The following CA6 variants were observed in gnomAD, a reference collection of about 807,000 sequenced individuals.
CA6 encodes carbonate dehydratase VI.
Under a neutral mutation model 35.9 loss-of-function variants are expected in CA6, and 28 were observed. That is an observed-to-expected ratio of 0.78 (90% CI 0.58 to 1.07). The LOEUF is 1.07. Ranked by LOEUF, CA6 falls within the 50% of genes least tolerant of loss-of-function variation. The pLI, the probability that CA6 is intolerant of heterozygous loss-of-function variation, is 0.00. For missense variants in CA6, 377 were observed against 382.0 expected, an observed-to-expected ratio of 0.99 and a Z score of 0.11; for synonymous variants, 148 against 152.6, an observed-to-expected ratio of 0.97 and a Z score of 0.22.
intron 2 of CA6, chr1:8,951,503 C>T (rs778209939): frequency 2.6e-6 from 2 of 765,186 alleles, no homozygotes; most frequent in Admixed American, 1.7e-5. Flanking sequence ...AAGGCAGTGG[C>T]TTTGTTCACC....
Position 8,949,263 on chromosome 1 carries a change from A to C in CA6, c.80A>C (p.Glu27Ala). ...TTGAACTGTGTCTTTCCTGTCTTAG[A>C]AGGGGCACTGGACGAAGCGCACTGG... ...AQHVSDWTYS[E>A]GALDEAHWPQ... is the part of the protein sequence containing the mutation. The change falls in exon 2 of 8, where the codon GAA becomes GCA. Residue 27 changes from glutamate to alanine, a missense_variant and splice_region_variant. Transcript: ENST00000377443. 6.3e-7 allele frequency: 1 copy of C among 1,593,796 alleles called. No homozygotes were observed. The highest frequency in any genetic ancestry group is 1.1e-5 in the South Asian group (1 of 88,690).
At chr1:8,960,789 C>CACACACACACACACAT (rs59987426) in intron 4 of CA6, among the ~76,000 whole-genome samples, 6 of 116,876 alleles carry the variant, frequency 5.1e-5, no homozygotes, top group African/African-American at 1.3e-4. Context: ...CACACACACA[C>CACACACACACACACAT]ATATATATAA....
chr1:8,951,588 G>A (rs572842220), intron 2 of CA6: 27 of 765,172 alleles, frequency 3.5e-5, no homozygotes, highest in South Asian at 8.0e-5. Flanking sequence ...TGCGGGCTTC[G>A]TGCTGAGGGC....
intron 1 of CA6, among the ~76,000 whole-genome samples, chr1:8,946,838 C>T (rs1428717522): frequency 7.9e-6 from 1 of 127,002 alleles, no homozygotes; most frequent in African/African-American, 3.1e-5. Context: ...GAGTCTTGCT[C>T]TGTTGCCCAG....
intron 5 of CA6, among the ~76,000 whole-genome samples, chr1:8,964,072 A>G (rs1639908272): frequency 6.6e-6 from 1 of 152,112 alleles, no homozygotes; most frequent in African/African-American, 2.4e-5. Flanking sequence ...TCCTTAACCC[A>G]CGTGCATCTG....
chr1:8,951,524 A>C (rs1639533743), intron 2 of CA6: 1 of 765,206 alleles, frequency 1.3e-6, no homozygotes, highest in Non-Finnish European at 2.4e-6. Context: ...CTCCCTGGAC[A>C]GCTGGTGGGA....
chr1:8,949,058 A>G (rs1222040434), intron 1 of CA6, among the ~76,000 whole-genome samples: 1 of 151,890 alleles, frequency 6.6e-6, no homozygotes, highest in Non-Finnish European at 1.5e-5. Flanking sequence ...AGAGGTTAGC[A>G]CCAAAGCCCC....
chr1:8,968,842 C>G (rs71641068), intron 6 of CA6, among the ~76,000 whole-genome samples: 149 of 150,628 alleles, frequency 9.9e-4, no homozygotes, highest in Non-Finnish European at 1.8e-3. Context: ...ATGGTGGAAC[C>G]CCGTCTCTAC....
intron 4 of CA6, among the ~76,000 whole-genome samples, chr1:8,960,787 C>CATATATATAT (rs1491277382): frequency 6.3e-5 from 6 of 95,036 alleles, no homozygotes; most frequent in Non-Finnish European, 1.0e-4. Flanking sequence ...CACACACACA[C>CATATATATAT]ACATATATAT....
At chr1:8,948,749 C>T (rs2124223925) in intron 1 of CA6, among the ~76,000 whole-genome samples, 1 of 152,228 alleles carries the variant, frequency 6.6e-6, no homozygotes, top group Admixed American at 6.5e-5. Context: ...GTGGGTGGAT[C>T]ACCTGAGGTC....
intron 3 of CA6, among the ~76,000 whole-genome samples, chr1:8,958,703 T>C (rs1639755065): frequency 6.6e-6 from 1 of 152,230 alleles, no homozygotes; most frequent in Admixed American, 6.5e-5. Flanking sequence ...AATCCCACTC[T>C]TGCTCTTTCC....
intron 6 of CA6, among the ~76,000 whole-genome samples, chr1:8,968,417 C>A (rs1557631912): frequency 6.6e-6 from 1 of 151,958 alleles, no homozygotes; most frequent in Admixed American, 6.6e-5. Flanking sequence ...GGGAAAATGA[C>A]CTTAAATCCA....
At chr1:8,953,352 G>A (rs1193545706) in intron 2 of CA6, among the ~76,000 whole-genome samples, 2 of 152,150 alleles carry the variant, frequency 1.3e-5, no homozygotes, top group African/African-American at 4.8e-5. Context: ...GGCCAGGCAT[G>A]GTGGCTCATG....
At chr1:8,962,237 T>C (rs112505195) in intron 4 of CA6, among the ~76,000 whole-genome samples, 23 of 137,800 alleles carry the variant, frequency 1.7e-4, no homozygotes, top group African/African-American at 5.5e-4. Flanking sequence ...GCAAGACTCT[T>C]AAAAAAAAAA....
chr1:8,971,756 C>T (rs1030998838), intron 7 of CA6, among the ~76,000 whole-genome samples: 4 of 152,098 alleles, frequency 2.6e-5, no homozygotes, highest in East Asian at 1.9e-4. Flanking sequence ...CTGCCTGGGG[C>T]GCAGGCCCCA....
chr1:8,959,236 G>A (rs112103753), intron 4 of CA6, among the ~76,000 whole-genome samples: 2,211 of 152,206 alleles, frequency 0.015, 25 homozygotes, highest in Middle Eastern at 0.065. Context: ...ATCCCAGAGG[G>A]GTTGCGTAGA....
intron 4 of CA6, 104 bp from the exon 5 acceptor site, chr1:8,962,483 T>C: frequency 1.0e-6 from 1 of 960,688 alleles, no homozygotes; most frequent in Non-Finnish European, 1.7e-6. Flanking sequence ...CTCCTTACTC[T>C]CTAGGCTCGG....
intron 1 of CA6, among the ~76,000 whole-genome samples, chr1:8,946,347 G>C (rs1639364895): frequency 6.6e-6 from 1 of 151,368 alleles, no homozygotes; most frequent in Non-Finnish European, 1.5e-5. Context: ...TCCTCCTTTA[G>C]GGCATTTCAC....
intron 1 of CA6, among the ~76,000 whole-genome samples, chr1:8,949,010 G>A (rs1557618870): frequency 6.6e-6 from 1 of 151,548 alleles, no homozygotes; most frequent in African/African-American, 2.4e-5. Flanking sequence ...TCAAAACACT[G>A]TCTTGCTCCC....
Sources: allele counts gnomAD v4.1 joint callset (sites outside exome capture counted in the v4.1 genomes callset), GRCh38; gene constraint gnomAD v4.1.1; transcripts MANE v1.5; gene names NCBI Gene and HGNC (gene_info 2026-07-23, HGNC 2026-07-21).